The following ART1 variants were observed in gnomAD, a reference collection of about 807,000 sequenced individuals.
ART1 encodes the protein GPI-linked NAD(P)(+)--arginine ADP-ribosyltransferase 1.
Under a neutral mutation model 27.0 loss-of-function variants are expected in ART1, and 29 were observed. That is an observed-to-expected ratio of 1.08 (90% CI 0.80 to 1.47). ART1 has a LOEUF of 1.47. Among genes scored for constraint, ART1 ranks in the 40% most tolerant of loss-of-function variants. The pLI is 0.00. For synonymous variants in ART1, 201 were observed against 172.2 expected (o/e 1.17, Z -1.31); for missense variants, 480 against 423.0 (o/e 1.13, Z -1.18).
chr11:3,656,720 G>T (rs1310909191), intron 1 of ART1, among the ~76,000 whole-genome samples: 1 of 152,052 alleles, frequency 6.6e-6, no homozygotes, highest in Non-Finnish European at 1.5e-5. Context: ...TCAAACTCCT[G>T]GGCTCAAGTA....
Position 3,661,405 on chromosome 11 carries a change from A to T in ART1, c.878A>T (p.Asp293Val). The T allele has an allele frequency of 6.3e-7, 1 of 1,598,128 alleles. No individual in the cohort carries two copies. Among genetic ancestry groups the T allele is most frequent in the Non-Finnish European group, 8.5e-7 (1 of 1,170,044 alleles). ...KKCKSGPCHL[D>V]NSAMGQSPLS... ...TGCAAGTCTGGGCCTTGCCATCTGG[A>T]TAATTCAGGTAAGGGCTGCAGGCAC... The change falls in exon 4 of 5, where the codon GAT (aspartate) becomes GTT (valine). Residue 293 changes from aspartate to valine, a missense_variant. Asp to Val is a radical substitution (Grantham distance 152). Transcript: ENST00000250693.
intron 1 of ART1, 40 bp from the exon 2 acceptor site, chr11:3,659,120 CAT>C (rs1331730389): frequency 8.3e-7 from 1 of 1,205,218 alleles, no homozygotes; most frequent in Non-Finnish European, 1.2e-6. Flanking sequence ...AGTGTCGATT[CAT>C]GTTTATTAAA....
At chr11:3,652,847 C>T (rs1392639359) in intron 1 of ART1, among the ~76,000 whole-genome samples, 1 of 150,868 alleles carries the variant, frequency 6.6e-6, no homozygotes. Context: ...ATAATCTTTG[C>T]TGGCAGGACT....
At chr11:3,649,129 C>CT (rs1400369290) in intron 1 of ART1, among the ~76,000 whole-genome samples, 1 of 152,096 alleles carries the variant, frequency 6.6e-6, no homozygotes, top group Non-Finnish European at 1.5e-5. Context: ...TTTCTCTACT[C>CT]TCTCTTTTCT....
rs372021450 is a variant in ART1 at position 3,653,120 on chromosome 11, G to A, written c.-52-6042G>A. On this transcript the variant is annotated intron_variant, in intron 1 of 4. Transcript: ENST00000250693. ...CGCTGCCCCTAATCAAAGCAGCCCT[G>A]AGAAACATCGCCCATTATCTCTCCA... 2.7e-5 allele frequency among the ~76,000 whole-genome samples: 4 copies of A among 148,252 alleles called. No individual in the cohort carries two copies. The East Asian group carries it at 7.8e-4, about 29-fold the overall frequency.
At chr11:3,657,636 C>G (rs2077584909) in intron 1 of ART1, among the ~76,000 whole-genome samples, 2 of 152,132 alleles carry the variant, frequency 1.3e-5, no homozygotes, top group Non-Finnish European at 1.5e-5. Context: ...AAAAAGAGAT[C>G]AATCATATTC....
intron 3 of ART1, 151 bp from the exon 4 acceptor site, chr11:3,661,221 C>A (rs2077617845): frequency 9.2e-6 from 6 of 653,746 alleles, no homozygotes; most frequent in South Asian, 2.2e-5. Flanking sequence ...CAAACCTAGT[C>A]AAGGGAGGTT....
At chr11:3,654,965 C>T (rs149037111) in intron 1 of ART1, among the ~76,000 whole-genome samples, 39 of 152,320 alleles carry the variant, frequency 2.6e-4, no homozygotes, top group African/African-American at 8.9e-4. Context: ...TACAGCTGGC[C>T]CAGTGGGCTT....
intron 3 of ART1, 34 bp downstream of exon 3, chr11:3,660,397 G>C: frequency 6.4e-7 from 1 of 1,569,840 alleles, no homozygotes; most frequent in Non-Finnish European, 8.6e-7. Context: ...CACCTGTGCG[G>C]AAGGTGGACC....
intron 1 of ART1, among the ~76,000 whole-genome samples, chr11:3,655,114 G>A (rs893924542): frequency 5.9e-5 from 9 of 152,162 alleles, no homozygotes; most frequent in African/African-American, 1.2e-4. Context: ...TCAGGCCGCC[G>A]GTCTGGCTCA....
intron 3 of ART1, among the ~76,000 whole-genome samples, chr11:3,660,949 T>G (rs1445503835): frequency 6.6e-6 from 1 of 152,056 alleles, no homozygotes; most frequent in East Asian, 1.9e-4. Flanking sequence ...AGAAGAACCA[T>G]GAGGATGGGC....
chr11:3,653,833 C>A (rs1347752405), intron 1 of ART1, among the ~76,000 whole-genome samples: 32 of 118,914 alleles, frequency 2.7e-4, no homozygotes, highest in East Asian at 5.1e-4. Context: ...GACATCAAGT[C>A]TTGTAAATTC....
intron 1 of ART1, among the ~76,000 whole-genome samples, chr11:3,645,893 G>C (rs1395112935): frequency 6.6e-6 from 1 of 152,122 alleles, no homozygotes; most frequent in East Asian, 1.9e-4. Flanking sequence ...GGGGCGATGT[G>C]TGCAGAGCCA....
intron 4 of ART1, among the ~76,000 whole-genome samples, chr11:3,663,043 C>CTCATCTCATCTCA (rs2077631696): frequency 1.8e-5 from 2 of 113,626 alleles, no homozygotes; most frequent in African/African-American, 7.9e-5. Flanking sequence ...ATCATCTCAT[C>CTCATCTCATCTCA]TCATCTCATC....
At chr11:3,653,827 T>C (rs2077549512) in intron 1 of ART1, among the ~76,000 whole-genome samples, 1 of 131,704 alleles carries the variant, frequency 7.6e-6, no homozygotes, top group African/African-American at 3.1e-5. Flanking sequence ...CCATCAGACA[T>C]CAAGTCTTGT....
At chr11:3,649,529 T>C (rs2077500288) in intron 1 of ART1, among the ~76,000 whole-genome samples, 1 of 152,138 alleles carries the variant, frequency 6.6e-6, no homozygotes, top group Non-Finnish European at 1.5e-5. Context: ...GCTGAGTCTT[T>C]CTAATCTTCC....
Position 3,654,077 on chromosome 11 carries a change from C to A in ART1, c.-52-5085C>A, listed in dbSNP as rs528933718. Among the ~76,000 whole-genome samples the A allele has an allele frequency of 1.4e-4, 4 of 27,944 alleles. 1 individual carries two copies. Among genetic ancestry groups the A allele is most frequent in the African/African-American group, 5.8e-4 (4 of 6,896 alleles). The allele number at this position is 27,944 out of a possible 152,430, so 18.3% of individuals were successfully genotyped here. On this transcript the variant is annotated intron_variant, in intron 1 of 4. Transcript: ENST00000250693. ...TACTCACTGCCATTCTCCCATCAGA[C>A]ATCAAGTTTTGTAAATTCCAACTCC...
chr11:3,659,445 G>T, intron 2 of ART1, 138 bp from the exon 3 acceptor site: 1 of 1,355,304 alleles, frequency 7.4e-7, no homozygotes. Context: ...ATTACAGCCA[G>T]AGGTTCCCAA....
rs758082786 is a variant in ART1 at position 3,659,748 on chromosome 11, G to A, written c.229G>A (p.Asp77Asn). 6.2e-7 allele frequency: 1 copy of A among 1,613,900 alleles called. No homozygotes were observed. The highest frequency in any genetic ancestry group is 1.1e-5 in the South Asian group (1 of 91,072). The stretch of plus-strand genomic sequence containing the variant: ...GTTCCAGGCCAACCAGGTGTATGCA[G>A]ACAGCTGGACACTGGCAAGCAGCCA... Reference protein sequence around the residue: ...TEFQANQVYADSWTLASSQWQ... With the variant: ...TEFQANQVYANSWTLASSQWQ... Residue 77 changes from aspartate (D) to asparagine (N), a missense_variant, in exon 3 of 5, where the codon GAC becomes AAC. Physicochemically the swap from Asp to Asn is conservative, Grantham distance 23. Transcript: ENST00000250693.
Sources: allele counts gnomAD v4.1 joint callset (sites outside exome capture counted in the v4.1 genomes callset), GRCh38; gene constraint gnomAD v4.1.1; transcripts MANE v1.5; gene names NCBI Gene and HGNC (gene_info 2026-07-23, HGNC 2026-07-21).